The following ARHGEF12 variants were observed in gnomAD, a reference collection of about 807,000 sequenced individuals.
ARHGEF12 encodes KMT2A/ARHGEF12 fusion protein.
A neutral mutation model predicts 211.2 loss-of-function variants in ARHGEF12; 66 were observed. The ratio of observed to expected loss-of-function variants is 0.31; its 90% CI spans 0.26 to 0.38. ARHGEF12 has a LOEUF of 0.38. Among genes scored for constraint, ARHGEF12 ranks in the 10% least tolerant of loss-of-function variants. The pLI, the probability that ARHGEF12 is intolerant of heterozygous loss-of-function variation, is 1.00. For missense variants in ARHGEF12, 1,429 were observed against 1,869.5 expected (o/e 0.76, Z 4.34); for synonymous variants, 592 against 638.4 (o/e 0.93, Z 1.09).
intron 7 of ARHGEF12, among the ~76,000 whole-genome samples, chr11:120,426,854 T>C (rs1167282449): frequency 6.6e-6 from 1 of 151,320 alleles, no homozygotes; most frequent in Non-Finnish European, 1.5e-5. Flanking sequence ...TGACTCTGAT[T>C]ATGGTGTTTT....
chr11:120,395,504 T>C (rs1944355573), intron 1 of ARHGEF12, among the ~76,000 whole-genome samples: 2 of 152,186 alleles, frequency 1.3e-5, no homozygotes, highest in Non-Finnish European at 2.9e-5. Flanking sequence ...ATTATAGATA[T>C]GTTGTATTAG....
intron 19 of ARHGEF12, 139 bp from the exon 20 acceptor site, chr11:120,448,095 A>G: frequency 1.3e-6 from 1 of 759,192 alleles, no homozygotes; most frequent in South Asian, 1.9e-5. Flanking sequence ...TCTCTGTGCA[A>G]TGACTAGTTA....
intron 1 of ARHGEF12, among the ~76,000 whole-genome samples, chr11:120,398,950 T>A (rs1455327843): frequency 6.6e-6 from 1 of 152,088 alleles, no homozygotes; most frequent in African/African-American, 2.4e-5. Flanking sequence ...AGGAAATATG[T>A]TCAATCTTTA....
At chr11:120,372,001 A>G (rs1233947947) in intron 1 of ARHGEF12, among the ~76,000 whole-genome samples, 1 of 152,242 alleles carries the variant, frequency 6.6e-6, no homozygotes, top group African/African-American at 2.4e-5. Flanking sequence ...CTTTGGAAAA[A>G]CTAAACCAAG....
In ARHGEF12 at chr11:120,483,354, A is replaced by C. The variant is rs182276099; in HGVS notation, c.4555-1084A>C. 5.4e-3 allele frequency among the ~76,000 whole-genome samples: 690 copies of C among 128,604 alleles called. 2 individuals are homozygous for C. The highest frequency in any genetic ancestry group is 8.2e-3 in the Non-Finnish European group (525 of 64,242). The allele number at this position is 128,604 out of a possible 152,430, so 84.4% of individuals were successfully genotyped here. A position where few individuals can be genotyped will look rare whatever the true frequency, so the allele number is the denominator to read the frequency against. On this transcript the variant is annotated intron_variant, in intron 39 of 40. Coordinates refer to ENST00000397843, the MANE Select transcript of ARHGEF12 (RefSeq NM_015313.3). ...CGGCTCACTGCAACCTCTGCCTCCC[A>C]GGTTCAAGCGATTCTCCTGCCTTGG...
In ARHGEF12 at chr11:120,336,916, C is replaced by G; in HGVS notation, c.-328C>G. ...TCCCGCCCCAGCCCCGGCGGGAGTCCCGGGTCCCCTTCCCACTGCGCGCGG... is the reference window on the plus strand; with the variant it reads ...TCCCGCCCCAGCCCCGGCGGGAGTCGCGGGTCCCCTTCCCACTGCGCGCGG... On this transcript the variant is annotated 5_prime_UTR_variant, in exon 1 of 41. Transcript: ENST00000397843. 2.3e-6 allele frequency: 1 copy of G among 434,802 alleles called. No homozygotes were observed. The highest frequency in any genetic ancestry group is 3.5e-5 in the East Asian group (1 of 28,598). 26.9% of individuals were successfully genotyped at this position (434,802 alleles called of 1,614,324 possible).
chr11:120,466,704 A>G (rs528596858), intron 28 of ARHGEF12, among the ~76,000 whole-genome samples: 64 of 152,366 alleles, frequency 4.2e-4, no homozygotes, highest in African/African-American at 1.4e-3. Flanking sequence ...GAGAGAGACT[A>G]TATGGCCTGC....
chr11:120,386,218 A>C (rs543309603), intron 1 of ARHGEF12, among the ~76,000 whole-genome samples: 1 of 152,252 alleles, frequency 6.6e-6, no homozygotes, highest in South Asian at 2.1e-4. Context: ...TTTCTTTCCA[A>C]TTATAGCTGT....
At chr11:120,395,967 G>T (rs933705524) in intron 1 of ARHGEF12, among the ~76,000 whole-genome samples, 2 of 152,096 alleles carry the variant, frequency 1.3e-5, no homozygotes, top group Admixed American at 1.3e-4. Context: ...AGCAGTGAGC[G>T]CACCCAGCTC....
At chr11:120,401,796 T>C (rs1360988240) in intron 1 of ARHGEF12, among the ~76,000 whole-genome samples, 1 of 152,254 alleles carries the variant, frequency 6.6e-6, no homozygotes, top group African/African-American at 2.4e-5. Context: ...TACCACTTGG[T>C]AAATTAAATC....
intron 11 of ARHGEF12, among the ~76,000 whole-genome samples, chr11:120,433,466 T>G (rs1945605035): frequency 6.6e-6 from 1 of 152,212 alleles, no homozygotes; most frequent in Non-Finnish European, 1.5e-5. Flanking sequence ...CCTCGCTGTT[T>G]TCATGGCTTG....
intron 1 of ARHGEF12, among the ~76,000 whole-genome samples, chr11:120,341,836 G>A (rs1184884092): frequency 1.3e-5 from 2 of 152,054 alleles, no homozygotes; most frequent in Non-Finnish European, 2.9e-5. Context: ...AATAATTACA[G>A]GTTTTCAAAA....
At chr11:120,366,357 T>C (rs1943420121) in intron 1 of ARHGEF12, among the ~76,000 whole-genome samples, 2 of 152,188 alleles carry the variant, frequency 1.3e-5, no homozygotes, top group Non-Finnish European at 2.9e-5. Flanking sequence ...AGGGTCTCAC[T>C]ATGTTGCCCA....
intron 1 of ARHGEF12, among the ~76,000 whole-genome samples, chr11:120,357,538 G>A (rs963882515): frequency 6.6e-6 from 1 of 152,132 alleles, no homozygotes; most frequent in African/African-American, 2.4e-5. Flanking sequence ...TTACTGGACA[G>A]GTAAGGGATA....
chr11:120,398,924 A>G (rs1383516976), intron 1 of ARHGEF12, among the ~76,000 whole-genome samples: 3 of 152,166 alleles, frequency 2.0e-5, no homozygotes, highest in Non-Finnish European at 2.9e-5. Context: ...AATTAAAAAA[A>G]TTCTGAGTAC....
intron 15 of ARHGEF12, among the ~76,000 whole-genome samples, chr11:120,445,024 A>G (rs999946956): frequency 3.3e-5 from 5 of 152,226 alleles, no homozygotes; most frequent in African/African-American, 1.2e-4. Flanking sequence ...AATCATGGCT[A>G]TATGTGAGTA....
intron 1 of ARHGEF12, among the ~76,000 whole-genome samples, chr11:120,396,106 T>C (rs769664892): frequency 2.0e-5 from 3 of 151,954 alleles, no homozygotes; most frequent in Non-Finnish European, 4.4e-5. Context: ...AACAAGAAAG[T>C]GCCCAAACAG....
At chr11:120,474,720 G>A in intron 32 of ARHGEF12, 85 bp downstream of exon 32, 12 of 1,044,514 alleles carry the variant, frequency 1.1e-5, no homozygotes, top group Non-Finnish European at 1.6e-5. Flanking sequence ...GGGAAGAGGA[G>A]AGAACCATTC....
chr11:120,395,845 TG>T (rs1040365344), intron 1 of ARHGEF12, among the ~76,000 whole-genome samples: 1 of 152,106 alleles, frequency 6.6e-6, no homozygotes, highest in African/African-American at 2.4e-5. Flanking sequence ...AGATGAGATT[TG>T]GGTGGGGACA....
Sources: allele counts gnomAD v4.1 joint callset (sites outside exome capture counted in the v4.1 genomes callset), GRCh38; gene constraint gnomAD v4.1.1; transcripts MANE v1.5; gene names NCBI Gene and HGNC (gene_info 2026-07-23, HGNC 2026-07-21).